The following AXIN1 variants were observed in gnomAD, a reference collection of about 807,000 sequenced individuals.
AXIN1 encodes the protein axin-1.
In AXIN1, 30 loss-of-function variants were observed where a neutral mutation model predicts 76.4. The ratio of observed to expected loss-of-function variants is 0.39; its 90% confidence interval spans 0.29 to 0.53. AXIN1 has a LOEUF of 0.53. Among genes scored for constraint, AXIN1 ranks in the 20% least tolerant of loss-of-function variants. The pLI is 0.66. For synonymous variants in AXIN1, 545 were observed against 501.4 expected, an observed-to-expected ratio of 1.09 and a Z score of -1.16; for missense variants, 1,140 against 1,198.8, an observed-to-expected ratio of 0.95 and a Z score of 0.72.
rs117292704 is a variant in AXIN1 at position 320,178 on chromosome 16, G to A, written c.879-5495C>T. Among the ~76,000 whole-genome samples the A allele has an allele frequency of 3.6e-3, 551 of 152,156 alleles. 1 individual carries two copies. The highest frequency in any genetic ancestry group is 5.3e-3 in the Non-Finnish European group (358 of 68,008). On this transcript the variant is annotated intron_variant, in intron 2 of 10. Coordinates refer to ENST00000262320, the MANE Select transcript of AXIN1 (RefSeq NM_003502.4). ...ACTCCCACCTTAGCTTCCCAGGTAG[G>A]TGGGACAACAGGCGCACACTACCAC... is the stretch of plus-strand genomic sequence containing the variant.
rs1335760716 is a variant in AXIN1, at chr16:289,480, C to G, written c.2422G>C (p.Gly808Arg). 1 of 1,612,932 alleles carries G rather than the reference C, an allele frequency of 6.2e-7. No individual in the cohort carries two copies. Among genetic ancestry groups the G allele is most frequent in the East Asian group, 2.2e-5 (1 of 44,884 alleles). Residue 808 changes from glycine (G) to arginine (R), a missense_variant, in exon 10 of 11, where the codon GGC becomes CGC. This residue lies in a region of AXIN1 where 429 missense variants were observed against 405.8 expected (regional missense o/e 1.06). Transcript: ENST00000262320. The part of the protein sequence containing the change: ...TLVRGRAVTL[G>R]QFKELLTKKG... The stretch of plus-strand genomic sequence containing the variant: ...TTGGTCAGCAGCTCCTTGAACTGGC[C>G]CAGGGTGACAGCGCGGCCCCTCACC...
Position 297,788 on chromosome 16 carries a change from G to C in AXIN1, c.1718C>G (p.Ala573Gly), listed in dbSNP as rs752371512. 14 of 1,566,708 alleles carry C rather than the reference G, an allele frequency of 8.9e-6. No individual in the cohort carries two copies. Among genetic ancestry groups the C allele is most frequent in the Non-Finnish European group, 1.2e-5 (14 of 1,156,078 alleles). ...ACTCTCTGAGTAGCCTCGGGACCTT[G>C]CCCCATGGCTGTGTGGTTCCAGGCC... ...AWGLEPHSHGARSRGYSESVG... is the reference protein window; with the variant it reads ...AWGLEPHSHGGRSRGYSESVG... Residue 573 changes from alanine to glycine, a missense_variant, in exon 6 of 11, where the codon GCA becomes GGA. This residue lies in a region of AXIN1 where 429 missense variants were observed against 405.8 expected (regional missense o/e 1.06). Transcript: ENST00000262320.
chr16:323,488 C>G (rs974957529), intron 2 of AXIN1, among the ~76,000 whole-genome samples: 1 of 141,400 alleles, frequency 7.1e-6, no homozygotes, highest in Non-Finnish European at 1.6e-5. Context: ...TTAAAAAAAA[C>G]AAAACAAAAC....
intron 2 of AXIN1, among the ~76,000 whole-genome samples, chr16:333,435 GAAAA>G (rs756612335): frequency 9.8e-6 from 1 of 101,558 alleles, no homozygotes; most frequent in Non-Finnish European, 2.1e-5. Context: ...ACTCGCCTCA[GAAAA>G]AAAAAAAAAA....
chr16:298,169 TG>T lies in AXIN1; in HGVS notation c.1336del (p.His446ThrfsTer34). On this transcript the variant is annotated frameshift_variant, in exon 6 of 11. Coordinates refer to ENST00000262320, the MANE Select transcript of AXIN1 (RefSeq NM_003502.4). LOFTEE classifies it high-confidence loss of function. ...HKLPPAPAWH[H>X]FPPRCVDMGC... is the part of the protein sequence containing the mutation. Reference sequence around the variant, plus strand: ...CATGTCCACACAGCGGGGCGGGAAGTGGTGCCAAGCGGGGGCGGGAGGCAGC... The same window carrying T: ...CATGTCCACACAGCGGGGCGGGAAGTGTGCCAAGCGGGGGCGGGAGGCAGC... 1 of 1,543,106 alleles carries T rather than the reference TG, an allele frequency of 6.5e-7. No homozygotes were observed.
intron 3 of AXIN1, 80 bp from the exon 4 acceptor site, chr16:310,149 G>T: frequency 7.5e-7 from 1 of 1,340,380 alleles, no homozygotes; most frequent in Non-Finnish European, 1.0e-6. Flanking sequence ...TCCTGGCCCC[G>T]ACCGCCGGTC....
chr16:322,101 C>A (rs1489066647), intron 2 of AXIN1, among the ~76,000 whole-genome samples: 1 of 152,204 alleles, frequency 6.6e-6, no homozygotes, highest in Non-Finnish European at 1.5e-5. Context: ...GATGCACGAC[C>A]TTCTGAGAAG....
chr16:352,122 C>T (rs1236671066), intron 1 of AXIN1, among the ~76,000 whole-genome samples: 1 of 151,960 alleles, frequency 6.6e-6, no homozygotes, highest in East Asian at 1.9e-4. Context: ...CCGGCTCTCC[C>T]GGGCCCCCGC....
At position 289,308 on chromosome 16, in the gene AXIN1, C is replaced by A. The variant is rs1014555951; in HGVS notation, c.2462+132G>T. Reference sequence around the variant, plus strand: ...CTCGAACTGCTGAGCTGAGGCAATCCGCCCACCTCAGCCTCCCAAAGTGCC... The same window carrying A: ...CTCGAACTGCTGAGCTGAGGCAATCAGCCCACCTCAGCCTCCCAAAGTGCC... On this transcript the variant is annotated intron_variant, in intron 10 of 10. Transcript: ENST00000262320. The A allele has an allele frequency of 1.8e-5, 21 of 1,186,646 alleles. No individual in the cohort carries two copies. The East Asian group carries it at 4.9e-4, about 28-fold the overall frequency. 73.5% of individuals were successfully genotyped at this position (1,186,646 alleles called of 1,614,324 possible).
intron 2 of AXIN1, among the ~76,000 whole-genome samples, chr16:340,361 GGAA>G (rs1292694796): frequency 6.6e-6 from 1 of 152,228 alleles, no homozygotes; most frequent in African/African-American, 2.4e-5. Flanking sequence ...AAAATATCCA[GGAA>G]GACCCTGTCC....
chr16:326,238 C>T (rs756966191), intron 2 of AXIN1, among the ~76,000 whole-genome samples: 5 of 150,130 alleles, frequency 3.3e-5, no homozygotes, highest in Non-Finnish European at 7.4e-5. Context: ...CCCATAATCC[C>T]AGCTACTCGG....
At chr16:298,275 T>A (rs1189480112) in intron 5 of AXIN1, 24 bp from the exon 6 acceptor site, 1 of 1,537,404 alleles carries the variant, frequency 6.5e-7, no homozygotes, top group Non-Finnish European at 8.7e-7. Flanking sequence ...AGCAGCACCA[T>A]CACCTCTCAG....
intron 8 of AXIN1, chr16:291,594 A>C: frequency 4.2e-5 from 20 of 476,410 alleles, no homozygotes; most frequent in East Asian, 1.6e-4. Context: ...CCACCACCTC[A>C]TCCCCTCTGG....
chr16:320,815 C>CTACAACCGCCGCCTCCTGGG (rs1555482211), intron 2 of AXIN1, among the ~76,000 whole-genome samples: 10 of 143,570 alleles, frequency 7.0e-5, no homozygotes, highest in African/African-American at 2.7e-4. Context: ...TCTCGGCTCA[C>CTACAACCGCCGCCTCCTGGG]TACAACCTCC....
intron 5 of AXIN1, among the ~76,000 whole-genome samples, chr16:301,143 C>T (rs993540124): frequency 7.2e-5 from 11 of 152,002 alleles, no homozygotes; most frequent in African/African-American, 2.4e-4. Flanking sequence ...TGATGGTGGG[C>T]GCCTGTAGTC....
chr16:330,557 G>A (rs193247714), intron 2 of AXIN1, among the ~76,000 whole-genome samples: 9 of 152,290 alleles, frequency 5.9e-5, no homozygotes, highest in African/African-American at 9.6e-5. Flanking sequence ...CGTGAACACC[G>A]TGCATTGAAT....
At chr16:323,567 G>C (rs2053511819) in intron 2 of AXIN1, among the ~76,000 whole-genome samples, 1 of 151,904 alleles carries the variant, frequency 6.6e-6, no homozygotes, top group South Asian at 2.1e-4. Flanking sequence ...GGATCACAAG[G>C]TCAAGAGATC....
Position 304,429 on chromosome 16 carries a change from C to T in AXIN1, c.1129G>A (p.Val377Met), listed in dbSNP as rs2141547166. The change falls in exon 5 of 11, where the codon GTG becomes ATG. Residue 377 changes from valine (V) to methionine (M), a missense_variant. By Grantham distance (21) the Val-to-Met change is conservative. This residue lies in a region of AXIN1 where 708 missense variants were observed against 776.9 expected (regional missense o/e 0.91). Transcript: ENST00000262320. Reference sequence around the variant, plus strand: ...GGCTCCACGCGGACCTCCTTCGGCACCCGGTACGTGCGCTGCGAGGGACAG... The same window carrying T: ...GGCTCCACGCGGACCTCCTTCGGCATCCGGTACGTGCGCTGCGAGGGACAG... Reference protein sequence around the residue: ...PLPHIPRTYRVPKEVRVEPQK... With the variant: ...PLPHIPRTYRMPKEVRVEPQK... The T allele has an allele frequency of 1.2e-6, 2 of 1,612,726 alleles. No homozygotes were observed. The highest frequency in any genetic ancestry group is 1.7e-6 in the Non-Finnish European group (2 of 1,179,978).
At chr16:343,526 AC>A (rs1431850596) in intron 2 of AXIN1, among the ~76,000 whole-genome samples, 1 of 151,506 alleles carries the variant, frequency 6.6e-6, no homozygotes, top group Non-Finnish European at 1.5e-5. Context: ...ACGTGGTAAA[AC>A]CCCATCTCTA....
Sources: allele counts gnomAD v4.1 joint callset (sites outside exome capture counted in the v4.1 genomes callset), GRCh38; gene constraint gnomAD v4.1.1; regional missense constraint gnomAD v4.1.1; transcripts MANE v1.5; gene names NCBI Gene and HGNC (gene_info 2026-07-23, HGNC 2026-07-21).